The following PIK3C3 variants were observed in gnomAD, a reference collection of about 807,000 sequenced individuals.
PIK3C3 encodes PI3-kinase type 3.
A neutral mutation model predicts 126.1 loss-of-function variants in PIK3C3; 95 were observed. The observed-to-expected ratio is 0.75, with a 90% CI of 0.64 to 0.89. PIK3C3 has a LOEUF of 0.89. Ranked by LOEUF, PIK3C3 falls within the 40% of genes least tolerant of loss-of-function variation. PIK3C3 has a pLI of 0.00. For synonymous variants in PIK3C3, 374 were observed against 360.0 expected, an observed-to-expected ratio of 1.04 and a Z score of -0.44; for missense variants, 829 against 1,063.2, an observed-to-expected ratio of 0.78 and a Z score of 3.06.
chr18:42,023,368 A>T (rs1983411539), intron 13 of PIK3C3, among the ~76,000 whole-genome samples: 1 of 152,250 alleles, frequency 6.6e-6, no homozygotes, highest in East Asian at 1.9e-4. Context: ...AATCTGTTCG[A>T]TGAAGTTTCC....
At chr18:41,996,495 A>G (rs1221517168) in intron 8 of PIK3C3, 143 bp from the exon 9 acceptor site, 2 of 447,646 alleles carry the variant, frequency 4.5e-6, no homozygotes, top group Non-Finnish European at 8.0e-6. Flanking sequence ...TTTAAGGCCT[A>G]CTTGACTGAG....
At chr18:42,024,427 T>G (rs549303263) in intron 13 of PIK3C3, among the ~76,000 whole-genome samples, 1 of 152,152 alleles carries the variant, frequency 6.6e-6, no homozygotes, top group Non-Finnish European at 1.5e-5. Flanking sequence ...AATAGATGTT[T>G]GGCTTGAATG....
chr18:42,003,084 G>A (rs1982367331), intron 9 of PIK3C3, among the ~76,000 whole-genome samples: 1 of 152,164 alleles, frequency 6.6e-6, no homozygotes, highest in South Asian at 2.1e-4. Context: ...TATCTTTGCT[G>A]AGGTTATATA....
rs867003620 is a variant in PIK3C3, at chr18:41,970,591, T to A, written c.531+135T>A. 5 of 803,010 alleles carry A rather than the reference T, an allele frequency of 6.2e-6. No individual in the cohort carries two copies. In the African/African-American group the frequency reaches 8.6e-5, roughly 14 times the overall value. 49.7% of individuals were successfully genotyped at this position (803,010 alleles called of 1,614,324 possible). ...CTTTTAAATAATTGTTTTATTGAGATATAATTCACATACCATAAAGTTCAC... is the reference window on the plus strand; with the variant it reads ...CTTTTAAATAATTGTTTTATTGAGAAATAATTCACATACCATAAAGTTCAC... On this transcript the variant is annotated intron_variant, in intron 4 of 24. Transcript: ENST00000262039.
intron 24 of PIK3C3, among the ~76,000 whole-genome samples, chr18:42,079,739 ATTAC>A (rs1986169620): frequency 6.6e-6 from 1 of 152,156 alleles, no homozygotes; most frequent in African/African-American, 2.4e-5. Flanking sequence ...TTGCGTCCAA[ATTAC>A]TTCCAAGTTA....
At chr18:41,995,444 C>G (rs1315930310) in intron 7 of PIK3C3, among the ~76,000 whole-genome samples, 1 of 152,038 alleles carries the variant, frequency 6.6e-6, no homozygotes, top group Non-Finnish European at 1.5e-5. Flanking sequence ...TATATTCAAG[C>G]GTTGTGATTA....
intron 19 of PIK3C3, among the ~76,000 whole-genome samples, chr18:42,043,244 G>T (rs904719486): frequency 1.3e-5 from 2 of 151,782 alleles, no homozygotes; most frequent in African/African-American, 4.8e-5. Flanking sequence ...GACTACAGGT[G>T]CCTGCCACCA....
At chr18:42,042,036 GGTGGTTCGCT>G (rs1984345228) in intron 19 of PIK3C3, among the ~76,000 whole-genome samples, 1 of 152,128 alleles carries the variant, frequency 6.6e-6, no homozygotes, top group South Asian at 2.1e-4. Context: ...AATTGATAAG[GGTGGTTCGCT>G]GTGCCTAGAT....
intron 12 of PIK3C3, among the ~76,000 whole-genome samples, chr18:42,018,916 A>G (rs1983196888): frequency 6.6e-6 from 1 of 152,144 alleles, no homozygotes; most frequent in African/African-American, 2.4e-5. Flanking sequence ...CATGATCACA[A>G]ACCTCAGATG....
intron 24 of PIK3C3, among the ~76,000 whole-genome samples, chr18:42,076,336 G>T (rs1238463681): frequency 5.3e-5 from 8 of 151,096 alleles, no homozygotes; most frequent in Admixed American, 5.3e-4. Flanking sequence ...AATTTTACTT[G>T]TAAATTTAAA....
chr18:42,038,902 T>A (rs1349515832), intron 18 of PIK3C3, 52 bp downstream of exon 18: 24 of 1,203,800 alleles, frequency 2.0e-5, no homozygotes, highest in Non-Finnish European at 2.9e-5. Flanking sequence ...TTGTGTGTAC[T>A]TTTTCAAATT....
At chr18:42,017,018 T>A (rs1168708306) in intron 12 of PIK3C3, among the ~76,000 whole-genome samples, 1 of 152,172 alleles carries the variant, frequency 6.6e-6, no homozygotes, top group Non-Finnish European at 1.5e-5. Flanking sequence ...TGAACCTATC[T>A]GTTGTTATTC....
chr18:41,957,821 C>A, intron 2 of PIK3C3, 63 bp downstream of exon 2: 1 of 1,268,816 alleles, frequency 7.9e-7, no homozygotes, highest in Non-Finnish European at 1.1e-6. Context: ...ATGGATGCTG[C>A]AAGTATAATT....
Position 41,993,252 on chromosome 18 carries a change from T to G in PIK3C3, c.715-18T>G, listed in dbSNP as rs770649647. On this transcript the variant is annotated intron_variant, in intron 6 of 24. Coordinates refer to ENST00000262039, the MANE Select transcript of PIK3C3 (RefSeq NM_002647.4). ...TATTAAATTTCTTTTTTTAAAAAATTATTGCTCTGTAATCTAGGACGGTGA... is the reference window on the plus strand; with the variant it reads ...TATTAAATTTCTTTTTTTAAAAAATGATTGCTCTGTAATCTAGGACGGTGA... 8.4e-6 allele frequency: 13 copies of G among 1,552,376 alleles called. No individual in the cohort carries two copies. In the African/African-American group the frequency reaches 1.4e-4, roughly 16 times the overall value.
intron 4 of PIK3C3, among the ~76,000 whole-genome samples, chr18:41,980,062 A>C (rs1424441916): frequency 6.6e-6 from 1 of 152,136 alleles, no homozygotes; most frequent in Admixed American, 6.6e-5. Flanking sequence ...TCTGGATCAA[A>C]TTACTTTAAC....
At chr18:42,009,592 A>G (rs1199279660) in intron 10 of PIK3C3, among the ~76,000 whole-genome samples, 6 of 151,104 alleles carry the variant, frequency 4.0e-5, no homozygotes, top group Non-Finnish European at 7.4e-5. Context: ...TGTAGACTAC[A>G]TTATGTAATG....
At chr18:42,040,829 G>T in intron 19 of PIK3C3, 88 bp downstream of exon 19, 3 of 843,428 alleles carry the variant, frequency 3.6e-6, no homozygotes, top group East Asian at 2.6e-5. Flanking sequence ...AAAAATGAAA[G>T]TCTCCTTTTA....
intron 10 of PIK3C3, among the ~76,000 whole-genome samples, chr18:42,007,152 G>A (rs1449769040): frequency 2.6e-5 from 4 of 152,198 alleles, no homozygotes; most frequent in Non-Finnish European, 5.9e-5. Context: ...ACAGGCATGA[G>A]CCACCACACC....
At chr18:42,005,771 T>C (rs1982515143) in intron 10 of PIK3C3, among the ~76,000 whole-genome samples, 2 of 151,618 alleles carry the variant, frequency 1.3e-5, no homozygotes, top group African/African-American at 4.8e-5. Flanking sequence ...TTAAAGTTGA[T>C]CATTGTATGT....
Sources: allele counts gnomAD v4.1 joint callset (sites outside exome capture counted in the v4.1 genomes callset), GRCh38; gene constraint gnomAD v4.1.1; transcripts MANE v1.5; gene names NCBI Gene and HGNC (gene_info 2026-07-23, HGNC 2026-07-21).